Variants in CDCP2 observed in about 807,000 individuals in gnomAD.
The protein encoded by CDCP2 is CUB domain containing protein 2, also known as CUB domain-containing protein 2.
In CDCP2, 31 loss-of-function variants were observed where a neutral mutation model predicts 31.0. That is an observed-to-expected ratio of 1.00 (90% CI 0.75 to 1.35). The LOEUF (loss-of-function observed/expected upper bound fraction) is 1.35, where lower values mean the gene tolerates loss of function less well. Among genes scored for constraint, CDCP2 ranks in the 40% most tolerant of loss-of-function variants. The pLI is 0.00. For synonymous variants in CDCP2, 206 were observed against 207.9 expected, an observed-to-expected ratio of 0.99 and a Z score of 0.08; for missense variants, 443 against 482.6, an observed-to-expected ratio of 0.92 and a Z score of 0.77.
rs765333369 is a variant in CDCP2 at position 54,140,088 on chromosome 1, T to C, written c.782A>G (p.Tyr261Cys). Residue 261 changes from tyrosine to cysteine, a missense_variant, in exon 4 of 6, where the codon TAC (tyrosine) becomes TGC (cysteine). Coordinates refer to ENST00000530059, the Ensembl canonical transcript of CDCP2. ...GGAGAAGTTGCCCCGCATGGCCATGTATACCTCCTGGCATTCTCCTGGATG... is the reference window on the plus strand; with the variant it reads ...GGAGAAGTTGCCCCGCATGGCCATGCATACCTCCTGGCATTCTCCTGGATG... The C allele has an allele frequency of 9.9e-5, 160 of 1,613,144 alleles. No individual in the cohort carries two copies. Among genetic ancestry groups the C allele is most frequent in the Non-Finnish European group, 1.3e-4 (152 of 1,179,934 alleles).
At chr1:54,140,064 G>C (rs1011262113) in exon 4 of CDCP2, 8 of 1,613,676 alleles carry the variant, frequency 5.0e-6, no homozygotes, top group African/African-American at 1.3e-5. Context: ...CTGTGGGCTG[G>C]AGAAGTTGCC....
intron 4 of CDCP2, among the ~76,000 whole-genome samples, chr1:54,137,137 T>C (rs879537739): frequency 2.0e-5 from 3 of 152,336 alleles, no homozygotes; most frequent in Admixed American, 2.0e-4. Context: ...CATCTGCTAA[T>C]CACTTGGCCA....
intron 1 of CDCP2, among the ~76,000 whole-genome samples, chr1:54,147,742 C>T (rs1659500383): frequency 6.6e-6 from 1 of 151,754 alleles, no homozygotes; most frequent in Admixed American, 6.6e-5. Flanking sequence ...GCCGTGATGG[C>T]TCAGACCTAT....
chr1:54,148,407 GAAA>G (rs5774176), intron 1 of CDCP2, among the ~76,000 whole-genome samples: 1 of 142,948 alleles, frequency 7.0e-6, no homozygotes. Flanking sequence ...ATTTGACAGT[GAAA>G]AAAAAAAAAC....
At chr1:54,145,573 TTTAAG>T (rs1279739935) in intron 1 of CDCP2, among the ~76,000 whole-genome samples, 1 of 152,180 alleles carries the variant, frequency 6.6e-6, no homozygotes, top group African/African-American at 2.4e-5. Context: ...CAGTAGGGAA[TTTAAG>T]TTAATTATTA....
intron 1 of CDCP2, among the ~76,000 whole-genome samples, chr1:54,150,232 G>A (rs1303917708): frequency 1.3e-5 from 2 of 152,220 alleles, no homozygotes; most frequent in African/African-American, 4.8e-5. Context: ...CTGGGAGGGG[G>A]AGCCCTGGGG....
chr1:54,147,774 C>G (rs920128567), intron 1 of CDCP2, among the ~76,000 whole-genome samples: 2 of 151,660 alleles, frequency 1.3e-5, no homozygotes, highest in African/African-American at 4.9e-5. Context: ...TTTGGGAGGG[C>G]AAGGCAGGAG....
chr1:54,150,952 CA>C (rs1659573534), intron 1 of CDCP2, among the ~76,000 whole-genome samples: 1 of 152,144 alleles, frequency 6.6e-6, no homozygotes, highest in African/African-American at 2.4e-5. Flanking sequence ...TGGAGTGGGC[CA>C]GGGGGAGTCA....
chr1:54,137,663 A>AGG, intron 4 of CDCP2: 1 of 144,854 alleles, frequency 6.9e-6, no homozygotes, highest in South Asian at 2.2e-4. Context: ...TTGGGTGAGC[A>AGG]TGTGTGTGTG....
chr1:54,142,911 A>G (rs1437896732), intron 2 of CDCP2: 2 of 152,250 alleles, frequency 1.3e-5, no homozygotes, highest in Non-Finnish European at 2.9e-5. Flanking sequence ...TAATGAAAAG[A>G]TAGCACCCAC....
chr1:54,141,405 C>A, exon 3 of CDCP2: 1 of 1,611,316 alleles, frequency 6.2e-7, no homozygotes, highest in Non-Finnish European at 8.5e-7. Context: ...GGACCCCTGA[C>A]AGGCCAGTCA....
At chr1:54,136,438 C>T (rs1386088381) in intron 5 of CDCP2, among the ~76,000 whole-genome samples, 192 bp downstream of exon 5, 2 of 152,156 alleles carry the variant, frequency 1.3e-5, no homozygotes, top group African/African-American at 4.8e-5. Flanking sequence ...CTCTGTCTCT[C>T]CTATTGGAGT....
At position 54,141,166 on chromosome 1, in the gene CDCP2, T is replaced by A. The variant is rs779293373; in HGVS notation, c.695A>T (p.Glu232Val). Reference sequence around the variant, plus strand: ...GTCGGACTTGAAGACCACCTGCAGTTCGTGGCCCAGAGACACGAGGGTGGG... The same window carrying A: ...GTCGGACTTGAAGACCACCTGCAGTACGTGGCCCAGAGACACGAGGGTGGG... The change falls in exon 3 of 6, where the codon GAA becomes GTA. Residue 232 changes from glutamate to valine, a missense_variant. Coordinates refer to ENST00000530059, the Ensembl canonical transcript of CDCP2. The A allele has an allele frequency of 5.1e-6, 8 of 1,572,776 alleles. No homozygotes were observed. In the Admixed American group the frequency reaches 1.1e-4, roughly 22 times the overall value.
At chr1:54,151,601 C>T (rs1387656967) in intron 1 of CDCP2, among the ~76,000 whole-genome samples, 1 of 152,176 alleles carries the variant, frequency 6.6e-6, no homozygotes, top group African/African-American at 2.4e-5. Context: ...CTACCTCCTC[C>T]CACCACCCAG....
intron 1 of CDCP2, among the ~76,000 whole-genome samples, chr1:54,149,919 C>A (rs1179494019): frequency 6.6e-6 from 1 of 152,202 alleles, no homozygotes; most frequent in African/African-American, 2.4e-5. Flanking sequence ...AAAACTGAGC[C>A]CGGGAAAGGG....
At chr1:54,147,300 A>AT (rs777749043) in intron 1 of CDCP2, among the ~76,000 whole-genome samples, 43 of 151,734 alleles carry the variant, frequency 2.8e-4, no homozygotes, top group East Asian at 1.2e-3. Context: ...TCATTTATCA[A>AT]TTTTTTTTAG....
At chr1:54,146,767 A>C (rs1659479240) in intron 1 of CDCP2, among the ~76,000 whole-genome samples, 1 of 151,848 alleles carries the variant, frequency 6.6e-6, no homozygotes, top group Non-Finnish European at 1.5e-5. Flanking sequence ...ACAGCAAAGA[A>C]GCTATCAAAG....
chr1:54,137,083 A>G (rs1238835374), intron 4 of CDCP2, among the ~76,000 whole-genome samples: 1 of 152,238 alleles, frequency 6.6e-6, no homozygotes, highest in Non-Finnish European at 1.5e-5. Flanking sequence ...AGGCCCAGTG[A>G]ATGCTGAGTG....
chr1:54,137,684 C>CGT (rs879400047), intron 4 of CDCP2: 57 of 16,912 alleles, frequency 3.4e-3, no homozygotes, highest in South Asian at 6.8e-3. Flanking sequence ...TGTGTGTGTG[C>CGT]GTGTGTGTGT....
Sources: allele counts gnomAD v4.1 joint callset (sites outside exome capture counted in the v4.1 genomes callset), GRCh38; gene constraint gnomAD v4.1.1; transcripts MANE v1.5; gene names NCBI Gene and HGNC (gene_info 2026-07-23, HGNC 2026-07-21).